The following TTBK2 variants were observed in gnomAD, a reference collection of about 807,000 sequenced individuals.
The protein encoded by TTBK2 is tau-tubulin kinase 2.
A neutral mutation model predicts 110.8 loss-of-function variants in TTBK2; 28 were observed. That is an observed-to-expected ratio of 0.25 (90% CI 0.19 to 0.35). The LOEUF is 0.35. Among genes scored for constraint, TTBK2 ranks in the 10% least tolerant of loss-of-function variants. The pLI is 1.00. For missense variants in TTBK2, 1,369 were observed against 1,500.3 expected (o/e 0.91, Z 1.45); for synonymous variants, 532 against 527.3 (o/e 1.01, Z -0.12).
intron 3 of TTBK2, among the ~76,000 whole-genome samples, chr15:42,867,538 C>A (rs576986196): frequency 1.3e-5 from 2 of 152,198 alleles, no homozygotes; most frequent in African/African-American, 2.4e-5. Context: ...ACTTCTGACA[C>A]CCCACCAAAG....
chr15:42,773,428 CTG>C (rs1242375168), intron 13 of TTBK2, among the ~76,000 whole-genome samples: 7 of 132,230 alleles, frequency 5.3e-5, no homozygotes, highest in Admixed American at 4.8e-4. Context: ...CAGAGTGAGA[CTG>C]TGTCTCAGTA....
At chr15:42,805,286 C>T (rs1488637180) in intron 9 of TTBK2, among the ~76,000 whole-genome samples, 2 of 152,148 alleles carry the variant, frequency 1.3e-5, no homozygotes, top group East Asian at 1.9e-4. Context: ...AAGGCCCTGG[C>T]TCTTAAGGAG....
intron 3 of TTBK2, 104 bp from the exon 4 acceptor site, chr15:42,840,537 C>T (rs1033773753): frequency 2.8e-5 from 29 of 1,023,548 alleles, no homozygotes; most frequent in Non-Finnish European, 1.5e-6. Context: ...ATATAAAATA[C>T]ATCTTGAGAA....
At chr15:42,756,873 A>C (rs2061954436) in intron 13 of TTBK2, among the ~76,000 whole-genome samples, 2 of 151,412 alleles carry the variant, frequency 1.3e-5, no homozygotes, top group South Asian at 4.2e-4. Context: ...CTCAAAAAAA[A>C]CAAAAACAAA....
chr15:42,910,918 C>A (rs1482454215), intron 1 of TTBK2, among the ~76,000 whole-genome samples: 1 of 151,928 alleles, frequency 6.6e-6, no homozygotes, highest in African/African-American at 2.4e-5. Context: ...GTGGCAGGTG[C>A]CTGTAATCCC....
In TTBK2 at chr15:42,903,897, A is replaced by G. The variant is rs1398271341; in HGVS notation, c.-68+16541T>C. 2.6e-5 allele frequency among the ~76,000 whole-genome samples: 4 copies of G among 152,180 alleles called. 1 individual carries two copies. On this transcript the variant is annotated intron_variant, in intron 1 of 14. Coordinates refer to ENST00000267890, the MANE Select transcript of TTBK2 (RefSeq NM_173500.4). ...ACTTGCTCTGATTAAGCGAGCTGCC[A>G]TATCACCCTATAGAAAGGCCCACAT...
At chr15:42,748,327 G>A (rs1325943199) in intron 14 of TTBK2, among the ~76,000 whole-genome samples, 1 of 152,056 alleles carries the variant, frequency 6.6e-6, no homozygotes, top group African/African-American at 2.4e-5. Context: ...TGTGGTGGCA[G>A]GTGCCTGTAA....
intron 3 of TTBK2, chr15:42,854,980 T>G (rs1893870690): frequency 6.6e-6 from 1 of 152,238 alleles, no homozygotes; most frequent in Admixed American, 6.5e-5. Flanking sequence ...TACTTTGTGC[T>G]GTTATTTTGC....
chr15:42,886,105 T>C (rs1895235161), intron 1 of TTBK2, among the ~76,000 whole-genome samples: 1 of 152,180 alleles, frequency 6.6e-6, no homozygotes, highest in Non-Finnish European at 1.5e-5. Context: ...CTTTCTGTCC[T>C]ATCTGTTCCT....
chr15:42,883,970 T>G (rs1308018806), intron 1 of TTBK2, among the ~76,000 whole-genome samples: 4 of 151,972 alleles, frequency 2.6e-5, no homozygotes, highest in African/African-American at 9.7e-5. Context: ...AAAGCTGGAG[T>G]ATCTATTATA....
intron 1 of TTBK2, among the ~76,000 whole-genome samples, chr15:42,911,793 G>C (rs1196423512): frequency 6.6e-6 from 1 of 152,178 alleles, no homozygotes; most frequent in Non-Finnish European, 1.5e-5. Context: ...GGTATGCAAA[G>C]GCACAGAAGA....
Position 42,873,869 on chromosome 15 carries a change from T to C in TTBK2, c.70-1111A>G, listed in dbSNP as rs114591414. 5.1e-3 allele frequency among the ~76,000 whole-genome samples: 783 copies of C among 152,302 alleles called. 9 individuals are homozygous for C. The highest frequency in any genetic ancestry group is 0.018 in the African/African-American group (743 of 41,558). On this transcript the variant is annotated intron_variant, in intron 2 of 14. Coordinates refer to ENST00000267890, the MANE Select transcript of TTBK2 (RefSeq NM_173500.4). Reference sequence around the variant, plus strand: ...TGTGATATAATGTAGGAAGTCATCATAGGCACAGGGTCCTAAATCATAACC... The same window carrying C: ...TGTGATATAATGTAGGAAGTCATCACAGGCACAGGGTCCTAAATCATAACC...
chr15:42,825,683 C>G (rs1012217211), intron 6 of TTBK2, among the ~76,000 whole-genome samples: 1 of 152,164 alleles, frequency 6.6e-6, no homozygotes, highest in African/African-American at 2.4e-5. Context: ...CCATCGCACT[C>G]TGGCCTGGGC....
chr15:42,786,120 G>GA (rs142429149), intron 10 of TTBK2, among the ~76,000 whole-genome samples: 572 of 70,830 alleles, frequency 8.1e-3, no homozygotes, highest in Non-Finnish European at 0.014. Context: ...ATGGCTCCCC[G>GA]AAAAAAAAGA....
chr15:42,761,187 T>C (rs1215740524), intron 13 of TTBK2, among the ~76,000 whole-genome samples: 3 of 152,138 alleles, frequency 2.0e-5, no homozygotes, highest in Non-Finnish European at 4.4e-5. Flanking sequence ...CAGCTCAAAA[T>C]GGATTAAAGA....
intron 1 of TTBK2, among the ~76,000 whole-genome samples, chr15:42,897,558 G>C (rs1257148057): frequency 6.6e-6 from 1 of 152,046 alleles, no homozygotes; most frequent in Non-Finnish European, 1.5e-5. Flanking sequence ...AAGTTGAGAA[G>C]GATCCTGAAG....
intron 14 of TTBK2, among the ~76,000 whole-genome samples, chr15:42,749,691 G>A (rs78207717): frequency 0.019 from 2,938 of 152,300 alleles, 50 homozygotes; most frequent in Non-Finnish European, 0.028. Flanking sequence ...GTGACTGCTA[G>A]GGGATTAAAA....
rs532449338 is a variant in TTBK2, at chr15:42,779,775, T to C, written c.1198-2533A>G. ...CAGGTGAATTACTTGAGGCCAGGAG[T>C]TCAAGACTTAGCCTGGCCAATACGG... is the stretch of plus-strand genomic sequence containing the variant. On this transcript the variant is annotated intron_variant, in intron 11 of 14. Coordinates refer to ENST00000267890, the MANE Select transcript of TTBK2 (RefSeq NM_173500.4). 5.2e-3 allele frequency among the ~76,000 whole-genome samples: 789 copies of C among 150,884 alleles called. 6 individuals carry two copies. The highest frequency in any genetic ancestry group is 8.0e-3 in the Non-Finnish European group (543 of 67,640).
At chr15:42,811,872 T>C in intron 7 of TTBK2, 92 bp from the exon 8 acceptor site, 2 of 1,130,792 alleles carry the variant, frequency 1.8e-6, no homozygotes, top group East Asian at 2.6e-5. Context: ...TTCACCTTAT[T>C]AGGCTAAAAA....
Sources: gnomAD v4.1 joint callset for allele counts (sites outside exome capture counted in the v4.1 genomes callset) on GRCh38, gnomAD v4.1.1 for gene constraint, MANE v1.5 for transcripts, NCBI Gene and HGNC (gene_info 2026-07-23, HGNC 2026-07-21) for gene names.